The following GGTLC1 variants were observed in gnomAD, a reference collection of about 807,000 sequenced individuals.
GGTLC1 encodes the protein glutathione hydrolase light chain 1.
A neutral mutation model predicts 19.5 loss-of-function variants in GGTLC1; 14 were observed. That is an observed-to-expected ratio of 0.72 (90% CI 0.47 to 1.12). The LOEUF (loss-of-function observed/expected upper bound fraction) is 1.12, where lower values mean the gene tolerates loss of function less well. GGTLC1 is among the 50% of genes most tolerant of loss of function. The probability of loss-of-function intolerance (pLI) is 0.00; values close to 1 mark genes in which losing one functional copy is unlikely to be tolerated. For synonymous variants in GGTLC1, 110 were observed against 124.2 expected, an observed-to-expected ratio of 0.89 and a Z score of 0.76; for missense variants, 304 against 309.2, an observed-to-expected ratio of 0.98 and a Z score of 0.13.
In GGTLC1 at chr20:23,985,789, T is replaced by G. The variant is rs761227606; in HGVS notation, c.418-9A>C. 6.2e-7 allele frequency: 1 copy of G among 1,611,968 alleles called. No individual in the cohort carries two copies. Among genetic ancestry groups the G allele is most frequent in the Non-Finnish European group, 8.5e-7 (1 of 1,179,852 alleles). ...AGGTTGTAGATGATGGCCTGGGGCA[T>G]GGGAGTGTGATCAGCATGGCTTGGG... On this transcript the variant is annotated splice_polypyrimidine_tract_variant and intron_variant, in intron 4 of 5. Coordinates refer to ENST00000335694, the MANE Select transcript of GGTLC1 (RefSeq NM_178311.3).
chr20:23,986,163 G>A lies in GGTLC1; in HGVS notation c.217C>T (p.Leu73Phe), dbSNP rs980541700. 1.2e-6 allele frequency: 2 copies of A among 1,613,612 alleles called. No homozygotes were observed. Among genetic ancestry groups the A allele is most frequent in the East Asian group, 2.2e-5 (1 of 44,856 alleles). ...KVRSPVSGIL[L>F]NNEMDDFSST... ...CTGAAGTCATCCATTTCATTATTGAGCAGGATCCCGCTGACTGGGGAGCGC... is the reference window on the plus strand; with the variant it reads ...CTGAAGTCATCCATTTCATTATTGAACAGGATCCCGCTGACTGGGGAGCGC... The change falls in exon 3 of 6, where the codon CTC becomes TTC. Residue 73 changes from leucine to phenylalanine, a missense_variant. Leu to Phe is a conservative substitution (Grantham distance 22, BLOSUM62 0). Transcript: ENST00000335694.
At chr20:23,985,831 C>T (rs1197981821) in intron 4 of GGTLC1, 31 bp downstream of exon 4, 1 of 1,611,886 alleles carries the variant, frequency 6.2e-7, no homozygotes, top group Non-Finnish European at 8.5e-7. Context: ...GCAGGGTGGG[C>T]ACGGCCAGGG....
Position 23,985,757 on chromosome 20 carries a change from G to T in GGTLC1, c.441C>A (p.Phe147Leu). The T allele has an allele frequency of 6.2e-7, 1 of 1,612,052 alleles. No individual in the cohort carries two copies. The highest frequency in any genetic ancestry group is 8.5e-7 in the Non-Finnish European group (1 of 1,179,868). ...TALAIIYNLW[F>L]GYDVKWAVEE... Reference sequence around the variant, plus strand: ...CCACGGCCCACTTCACGTCATAGCCGAACCAGAGGTTGTAGATGATGGCCT... The same window carrying T: ...CCACGGCCCACTTCACGTCATAGCCTAACCAGAGGTTGTAGATGATGGCCT... Residue 147 changes from phenylalanine to leucine, a missense_variant, in exon 5 of 6, where the codon TTC becomes TTA. Phe to Leu is a conservative substitution (Grantham distance 22). Transcript: ENST00000335694.
chr20:23,986,269 C>T, intron 2 of GGTLC1, 66 bp from the exon 3 acceptor site: 1 of 1,593,634 alleles, frequency 6.3e-7, no homozygotes, highest in Admixed American at 1.7e-5. Flanking sequence ...TATCCACCCA[C>T]TGAGGCTCAA....
intron 3 of GGTLC1, 46 bp from the exon 4 acceptor site, chr20:23,986,020 C>G (rs1987877313): frequency 6.2e-7 from 1 of 1,612,130 alleles, no homozygotes; most frequent in Non-Finnish European, 8.5e-7. Context: ...GCTGCCTGCC[C>G]AGGACACCCG....
chr20:23,985,079 T>C lies in GGTLC1; in HGVS notation c.*137A>G. The C allele has an allele frequency of 7.4e-7, 1 of 1,351,762 alleles. No individual in the cohort carries two copies. The highest frequency in any genetic ancestry group is 1.0e-6 in the Non-Finnish European group (1 of 975,748). 83.7% of individuals were successfully genotyped at this position (1,351,762 alleles called of 1,614,324 possible). A position where few individuals can be genotyped will look rare whatever the true frequency, so the allele number is the denominator to read the frequency against. On this transcript the variant is annotated 3_prime_UTR_variant, in exon 6 of 6. Coordinates refer to ENST00000335694, the MANE Select transcript of GGTLC1 (RefSeq NM_178311.3). ...GGGGAGACAGGCCAGGGAGGCCACCTGGAGCCTGGCACAGTGGCCTCATTT... is the reference window on the plus strand; with the variant it reads ...GGGGAGACAGGCCAGGGAGGCCACCCGGAGCCTGGCACAGTGGCCTCATTT...
chr20:23,987,333 T>C (rs1443379396), intron 1 of GGTLC1, among the ~76,000 whole-genome samples: 1 of 152,146 alleles, frequency 6.6e-6, no homozygotes, highest in Non-Finnish European at 1.5e-5. Flanking sequence ...AGGGTCCCTC[T>C]GGCAGCTATG....
rs1988035033 is a variant in GGTLC1 at position 23,987,968 on chromosome 20, C to T, written c.-35+641G>A. Among the ~76,000 whole-genome samples, 3 of 129,854 alleles carry T rather than the reference C, an allele frequency of 2.3e-5. 1 individual carries two copies. The highest frequency in any genetic ancestry group is 8.1e-5 in the Admixed American group (1 of 12,328). 85.2% of individuals were successfully genotyped at this position (129,854 alleles called of 152,430 possible). A position where few individuals can be genotyped will look rare whatever the true frequency, so the allele number is the denominator to read the frequency against. ...GGCTGAGGCAGGAGAATGGCGTGAA[C>T]CCGGTAGGCGGAGCTTGCGGTGAGC... On this transcript the variant is annotated intron_variant, in intron 1 of 5. Coordinates refer to ENST00000335694, the MANE Select transcript of GGTLC1 (RefSeq NM_178311.3).
chr20:23,986,230 C>T (rs1347464425), intron 2 of GGTLC1, 27 bp from the exon 3 acceptor site: 4 of 1,597,772 alleles, frequency 2.5e-6, no homozygotes, highest in Non-Finnish European at 3.4e-6. Context: ...TCAGACAGTG[C>T]CCGACCTTGC....
intron 1 of GGTLC1, among the ~76,000 whole-genome samples, chr20:23,988,204 A>G (rs1394799202): frequency 2.7e-5 from 4 of 148,190 alleles, no homozygotes; most frequent in African/African-American, 5.0e-5. Context: ...GCATGCCACC[A>G]TGTCTGACTA....
Position 23,985,219 on chromosome 20 carries a change from G to A in GGTLC1, c.675C>T (p.Tyr225=). ...DSRKGGEPAG[Y] ...CAGCCTTGTCCGCCTGGAGCAATCA[G>A]TAGCCAGCAGGTTCCCCACCTTTCC... Residue 225 remains tyrosine, a synonymous_variant, in exon 6 of 6, where the codon TAC becomes TAT. Transcript: ENST00000335694. The A allele has an allele frequency of 6.2e-7, 1 of 1,612,048 alleles. No homozygotes were observed. Among genetic ancestry groups the A allele is most frequent in the East Asian group, 2.2e-5 (1 of 44,866 alleles).
chr20:23,986,575 G>A lies in GGTLC1; in HGVS notation c.37C>T (p.Gln13Ter), dbSNP rs773898625. Residue 13 changes from glutamine (Q) to a stop codon, truncating the protein, a stop_gained, in exon 2 of 6, where the codon CAG becomes TAG. Transcript: ENST00000335694. LOFTEE classifies it high-confidence loss of function. ...GGGTGAGTGGTGTCGTCAGAGATCT[G>A]GGCCCGGAGCTGGGCAGAGAAGAAC... Reference protein sequence around the residue: ...SEFFSAQLRAQISDDTTHPIS... With the variant: ...SEFFSAQLRA The A allele has an allele frequency of 3.1e-6, 5 of 1,611,674 alleles. No individual in the cohort carries two copies. The highest frequency in any genetic ancestry group is 4.2e-6 in the Non-Finnish European group (5 of 1,179,822).
At chr20:23,985,453 G>T (rs1255126308) in intron 5 of GGTLC1, 91 bp from the exon 6 acceptor site, 4 of 1,607,642 alleles carry the variant, frequency 2.5e-6, no homozygotes, top group Admixed American at 1.7e-5. Context: ...CCCAGGTGGT[G>T]CCATTTCAGG....
Position 23,986,517 on chromosome 20 carries a change from G to T in GGTLC1, c.95C>A (p.Pro32Gln). 1.2e-6 allele frequency: 2 copies of T among 1,612,008 alleles called. No individual in the cohort carries two copies. The highest frequency in any genetic ancestry group is 1.1e-5 in the South Asian group (1 of 90,988). Residue 32 changes from proline to glutamine, a missense_variant, in exon 2 of 6, where the codon CCG (proline) becomes CAG (glutamine). By Grantham distance (76) the Pro-to-Gln change is moderately conservative. Coordinates refer to ENST00000335694, the MANE Select transcript of GGTLC1 (RefSeq NM_178311.3). Reference protein sequence around the residue: ...ISYYKPEFYMPDDGGTAHLSV... With the variant: ...ISYYKPEFYMQDDGGTAHLSV... ...CAGGTGAGCAGTGCCCCCGTCATCC[G>T]GCATGTAGAACTCGGGCTTGTAGTA...
rs374198499 is a variant in GGTLC1, at chr20:23,985,979, G to C, written c.305-5C>G. Reference sequence around the variant, plus strand: ...TGGACGAGAGCGGCTGCTTCCCTGCGGCCAATGGGAGAAGACAGGGATGCC... The same window carrying C: ...TGGACGAGAGCGGCTGCTTCCCTGCCGCCAATGGGAGAAGACAGGGATGCC... On this transcript the variant is annotated splice_polypyrimidine_tract_variant and splice_region_variant and intron_variant, in intron 3 of 5. Transcript: ENST00000335694. 1.2e-6 allele frequency: 2 copies of C among 1,611,810 alleles called. No individual in the cohort carries two copies. The highest frequency in any genetic ancestry group is 4.5e-5 in the East Asian group (2 of 44,872).
At chr20:23,988,136 A>AC (rs1988056263) in intron 1 of GGTLC1, among the ~76,000 whole-genome samples, 1 of 119,516 alleles carries the variant, frequency 8.4e-6, no homozygotes, top group Non-Finnish European at 1.7e-5. Flanking sequence ...TCCCTTCCCC[A>AC]CCCCCGGGTT....
intron 1 of GGTLC1, chr20:23,986,936 A>T (rs1225428382): frequency 2.5e-6 from 2 of 809,158 alleles, no homozygotes; most frequent in Non-Finnish European, 3.6e-6. Flanking sequence ...GGCACTGGGG[A>T]ATCAATAGGA....
chr20:23,985,222 G>C lies in GGTLC1; in HGVS notation c.672C>G (p.Gly224=), dbSNP rs747113809. 5.6e-6 allele frequency: 9 copies of C among 1,612,052 alleles called. No homozygotes were observed. The highest frequency in any genetic ancestry group is 6.8e-6 in the Non-Finnish European group (8 of 1,179,866). ...SDSRKGGEPA[G]Y is the part of the protein sequence containing the mutation. ...CCTTGTCCGCCTGGAGCAATCAGTAGCCAGCAGGTTCCCCACCTTTCCTGG... is the reference window on the plus strand; with the variant it reads ...CCTTGTCCGCCTGGAGCAATCAGTACCCAGCAGGTTCCCCACCTTTCCTGG... Residue 224 remains glycine (G), a synonymous_variant, in exon 6 of 6, where the codon GGC becomes GGG. Coordinates refer to ENST00000335694, the MANE Select transcript of GGTLC1 (RefSeq NM_178311.3).
Position 23,985,867 on chromosome 20 carries a change from C to A in GGTLC1, c.412G>T (p.Ala138Ser). The stretch of plus-strand genomic sequence containing the variant: ...AGAAAAGGTGTGACACATACCAGTG[C>A]AGTGGCCATGGTGATCTGCGTGCCC... ...AGGTQITMAT[A>S]LAIIYNLWFG... The change falls in exon 4 of 6, where the codon GCA (alanine) becomes TCA (serine). Residue 138 changes from alanine (A) to serine (S), a missense_variant. Ala to Ser is a moderately conservative substitution (Grantham distance 99). Transcript: ENST00000335694. The A allele has an allele frequency of 6.2e-7, 1 of 1,612,068 alleles. No individual in the cohort carries two copies. The highest frequency in any genetic ancestry group is 8.5e-7 in the Non-Finnish European group (1 of 1,179,874).
Sources: allele counts gnomAD v4.1 joint callset (sites outside exome capture counted in the v4.1 genomes callset), GRCh38; gene constraint gnomAD v4.1.1; transcripts MANE v1.5; gene names NCBI Gene and HGNC (gene_info 2026-07-23, HGNC 2026-07-21).